Variants in RANGAP1 observed in about 807,000 individuals in gnomAD.
RANGAP1 encodes the protein ran GTPase-activating protein 1.
In RANGAP1, 38 loss-of-function variants were observed where a neutral mutation model predicts 63.5. That is an observed-to-expected ratio of 0.60 (90% CI 0.46 to 0.78). The LOEUF is 0.78. RANGAP1 is among the 30% of genes least tolerant of loss of function. The pLI, the probability that RANGAP1 is intolerant of heterozygous loss-of-function variation, is 0.00. For missense variants in RANGAP1, 630 were observed against 740.3 expected (o/e 0.85, Z 1.73); for synonymous variants, 329 against 310.5 (o/e 1.06, Z -0.63).
In RANGAP1 at chr22:41,256,063, A is replaced by G; in HGVS notation, c.1031T>C (p.Val344Ala). The G allele has an allele frequency of 6.2e-7, 1 of 1,613,910 alleles. No homozygotes were observed. Among genetic ancestry groups the G allele is most frequent in the Non-Finnish European group, 8.5e-7 (1 of 1,180,008 alleles). The part of the protein sequence containing the change: ...GEEGCEQLQE[V>A]LEGFNMAKVL... ...CTTGGCCATGTTGAAGCCCTCCAGCACCTCCTGAAGCTGTTCACAGCCTTC... is the reference window on the plus strand; with the variant it reads ...CTTGGCCATGTTGAAGCCCTCCAGCGCCTCCTGAAGCTGTTCACAGCCTTC... Residue 344 changes from valine (V) to alanine (A), a missense_variant, in exon 10 of 16, where the codon GTG becomes GCG. Transcript: ENST00000356244.
intron 12 of RANGAP1, 46 bp from the exon 13 acceptor site, chr22:41,251,155 A>G (rs1386686861): frequency 6.6e-7 from 1 of 1,512,630 alleles, no homozygotes; most frequent in Non-Finnish European, 9.2e-7. Context: ...CGTGGTGGAG[A>G]GGTACCTGGG....
chr22:41,260,212 T>G (rs962489408), intron 6 of RANGAP1, among the ~76,000 whole-genome samples: 2 of 152,134 alleles, frequency 1.3e-5, no homozygotes, highest in African/African-American at 4.8e-5. Context: ...ATCCACATAC[T>G]GGGGGGGATT....
chr22:41,256,923 AC>A, intron 7 of RANGAP1, 99 bp from the exon 8 acceptor site: 1 of 820,720 alleles, frequency 1.2e-6, no homozygotes, highest in Non-Finnish European at 2.0e-6. Flanking sequence ...CAAGCCAGCC[AC>A]CACACACTGT....
the RANGAP1 span, among the ~76,000 whole-genome samples, chr22:41,295,146 T>G: frequency 3.0e-5 from 4 of 133,916 alleles, no homozygotes; most frequent in African/African-American, 1.0e-4. Flanking sequence ...CGGCCGCCCC[T>G]ACTGGGAAGT....
intron 5 of RANGAP1, among the ~76,000 whole-genome samples, chr22:41,262,695 A>AT (rs2034245340): frequency 6.6e-6 from 1 of 152,190 alleles, no homozygotes; most frequent in Non-Finnish European, 1.5e-5. Context: ...TAGAGACATC[A>AT]AACTTCTGCC....
Position 41,264,683 on chromosome 22 carries a change from ATGCCACAG to A in RANGAP1, c.453_460del (p.Cys152GlyfsTer41). 1 of 1,612,358 alleles carries A rather than the reference ATGCCACAG, an allele frequency of 6.2e-7. No homozygotes were observed. The highest frequency in any genetic ancestry group is 8.5e-7 in the Non-Finnish European group (1 of 1,178,502). ...ACCCACCTTGCCGCCGCCAATGCCC[ATGCCACAG>A]TTGTTGAGCTTGAGTTCCTGCAGGG... On this transcript the variant is annotated frameshift_variant, in exon 5 of 16. Transcript: ENST00000356244. LOFTEE classifies it high-confidence loss of function.
chr22:41,251,534 G>C (rs937754728), intron 12 of RANGAP1, among the ~76,000 whole-genome samples: 1 of 151,896 alleles, frequency 6.6e-6, no homozygotes, highest in Admixed American at 6.6e-5. Flanking sequence ...GCTGAGGCAG[G>C]AGGACTGCTT....
At position 41,246,432 on chromosome 22, in the gene RANGAP1, T is replaced by A. The variant is rs1189449972; in HGVS notation, c.*171A>T. On this transcript the variant is annotated 3_prime_UTR_variant, in exon 16 of 16. Transcript: ENST00000356244. ...CCGACAGGAGGCACAGACCTGCACA[T>A]GCGCCACACCCACACACATACTCAG... 4.6e-6 allele frequency: 3 copies of A among 658,194 alleles called. No homozygotes were observed. In the African/African-American group the frequency reaches 5.5e-5, roughly 12 times the overall value. The allele number at this position is 658,194 out of a possible 1,614,324, so 40.8% of individuals were successfully genotyped here.
chr22:41,280,706 C>T (rs1266499802), intron 2 of RANGAP1: 5 of 1,481,260 alleles, frequency 3.4e-6, no homozygotes, highest in Non-Finnish European at 3.6e-6. Flanking sequence ...AAAGAAAGGG[C>T]AGGGCACAAA....
chr22:41,255,207 T>C (rs9623363), intron 10 of RANGAP1, among the ~76,000 whole-genome samples: 6,334 of 152,108 alleles, frequency 0.042, 438 homozygotes, highest in African/African-American at 0.14. Context: ...CCTTGCCCCA[T>C]AGGAAGGCTG....
intron 3 of RANGAP1, among the ~76,000 whole-genome samples, chr22:41,269,793 G>A (rs2034691118): frequency 6.7e-6 from 1 of 149,062 alleles, no homozygotes; most frequent in South Asian, 2.1e-4. Flanking sequence ...CTAGCATAAA[G>A]ATAAATATTT....
In RANGAP1 at chr22:41,261,295, T is replaced by C. The variant is rs2034153617; in HGVS notation, c.615+151A>G. ...ATGCACGACAGGAATTCTGGCTCAT[T>C]TTCGGATGGGTTAACAGGCTTGGAG... is the stretch of plus-strand genomic sequence containing the variant. On this transcript the variant is annotated intron_variant, in intron 6 of 15. Transcript: ENST00000356244. The C allele has an allele frequency of 2.4e-6, 3 of 1,233,966 alleles. No homozygotes were observed. The South Asian group carries it at 4.4e-5, about 18-fold the overall frequency. The allele number at this position is 1,233,966 out of a possible 1,614,324, so 76.4% of individuals were successfully genotyped here. A position where few individuals can be genotyped will look rare whatever the true frequency, so the allele number is the denominator to read the frequency against.
rs754324022 is a variant in RANGAP1 at position 41,257,729 on chromosome 22, G to A, written c.774+219C>T. 6.6e-6 allele frequency among the ~76,000 whole-genome samples: 1 copy of A among 152,220 alleles called. No individual in the cohort carries two copies. The highest frequency in any genetic ancestry group is 1.9e-4 in the East Asian group (1 of 5,196). On this transcript the variant is annotated intron_variant, in intron 7 of 15. Transcript: ENST00000356244. This position sits in a 1 kb window ranked among gnomAD's most constrained non-coding sequence, Gnocchi z 4.0. ...CTGCAGAGGCGGCTCAGGAGAAGGT[G>A]GCATGAAGAATCAGAGCTGCCCGAG...
intron 15 of RANGAP1, among the ~76,000 whole-genome samples, chr22:41,247,783 A>T (rs1274309886): frequency 6.6e-6 from 1 of 152,242 alleles, no homozygotes; most frequent in Non-Finnish European, 1.5e-5. Flanking sequence ...GAAGCCAGTG[A>T]ACAGGCCAGG....
In RANGAP1 at chr22:41,246,679, GGAAA is replaced by G; in HGVS notation, c.1695-11_1695-8del. On this transcript the variant is annotated splice_polypyrimidine_tract_variant and splice_region_variant and intron_variant, in intron 15 of 15. Transcript: ENST00000356244. ...TTCCAGGGCGCTGTTGGGCCTGCGG[GGAAA>G]GAGGGGTCAGCAGGTCGGTGGATGC... 1 of 1,558,324 alleles carries G rather than the reference GGAAA, an allele frequency of 6.4e-7. No homozygotes were observed. Among genetic ancestry groups the G allele is most frequent in the Middle Eastern group, 1.7e-4 (1 of 5,994 alleles).
At chr22:41,253,449 A>G (rs1050294500) in intron 11 of RANGAP1, among the ~76,000 whole-genome samples, 4 of 152,270 alleles carry the variant, frequency 2.6e-5, no homozygotes, top group African/African-American at 4.8e-5. Context: ...AAGCAGCCCA[A>G]TTCAGCGTAA....
At chr22:41,246,746 T>C in intron 15 of RANGAP1, 74 bp from the exon 16 acceptor site, 3 of 1,352,432 alleles carry the variant, frequency 2.2e-6, no homozygotes, top group Non-Finnish European at 3.1e-6. Flanking sequence ...GCCATTTTGG[T>C]GCCAGACTCA....
intron 11 of RANGAP1, 89 bp from the exon 12 acceptor site, chr22:41,253,080 A>G (rs762939460): frequency 6.7e-5 from 85 of 1,266,854 alleles, no homozygotes; most frequent in Non-Finnish European, 7.8e-5. Flanking sequence ...CAGCACATCC[A>G]CCCTTCACTC....
rs750226928 is a variant in RANGAP1 at position 41,249,710 on chromosome 22, C to A, written c.1572+19G>T. 6.9e-6 allele frequency: 11 copies of A among 1,603,642 alleles called. No individual in the cohort carries two copies. Among genetic ancestry groups the A allele is most frequent in the Middle Eastern group, 1.7e-4 (1 of 6,060 alleles). On this transcript the variant is annotated intron_variant, in intron 14 of 15. Coordinates refer to ENST00000356244, the MANE Select transcript of RANGAP1 (RefSeq NM_002883.4). ...CCCACCCACCTCCCTCCCGGGCCTG[C>A]TGTTCCTTCCGGCCTCACCTTGAGC...
Sources: gnomAD v4.1 joint callset for allele counts (sites outside exome capture counted in the v4.1 genomes callset) on GRCh38, gnomAD v4.1.1 for gene constraint, Gnocchi (gnomAD v3.1) non-coding constraint, MANE v1.5 for transcripts, NCBI Gene and HGNC (gene_info 2026-07-23, HGNC 2026-07-21) for gene names.